WWC1: variants seen among roughly 807,000 people sequenced by gnomAD.
WWC1 encodes protein KIBRA.
WWC1 carries 55 observed loss-of-function variants against 138.4 expected under a neutral mutation model. That is an observed-to-expected ratio of 0.40 (90% CI 0.32 to 0.50). WWC1 has a LOEUF of 0.50. Ranked by LOEUF, WWC1 falls within the 20% of genes least tolerant of loss-of-function variation. WWC1 has a pLI of 0.72. For synonymous variants in WWC1, 524 were observed against 564.9 expected, an observed-to-expected ratio of 0.93 and a Z score of 1.03; for missense variants, 1,226 against 1,420.4, an observed-to-expected ratio of 0.86 and a Z score of 2.20.
rs372188276 is a variant in WWC1, at chr5:168,423,931, G to C, written c.1673G>C (p.Gly558Ala). The change falls in exon 11 of 23, where the codon GGT (glycine) becomes GCT (alanine). Residue 558 changes from glycine to alanine, a missense_variant. Gly to Ala is a moderately conservative substitution (Grantham distance 60). Transcript: ENST00000265293. ...CTCATGGCTGACCCCCTCCTGGCTGGTGATGCCTTCCTCAACTCCTTGGAG... is the reference window on the plus strand; with the variant it reads ...CTCATGGCTGACCCCCTCCTGGCTGCTGATGCCTTCCTCAACTCCTTGGAG... ...SPLMADPLLA[G>A]DAFLNSLEFE... The C allele has an allele frequency of 6.2e-7, 1 of 1,614,102 alleles. No individual in the cohort carries two copies. The highest frequency in any genetic ancestry group is 1.3e-5 in the African/African-American group (1 of 74,994).
At chr5:168,428,197 A>G (rs1781661813) in intron 12 of WWC1, 56 bp downstream of exon 12, 1 of 1,546,166 alleles carries the variant, frequency 6.5e-7, no homozygotes, top group South Asian at 1.2e-5. Context: ...AACTCTGAAT[A>G]TCCAGAGCCT....
rs941124944 is a variant in WWC1, at chr5:168,470,651, A to G, written c.*1634A>G. The G allele has an allele frequency of 1.3e-5, 2 of 152,084 alleles. No individual in the cohort carries two copies. Among genetic ancestry groups the G allele is most frequent in the East Asian group, 1.9e-4 (1 of 5,164 alleles). 9.4% of individuals were successfully genotyped at this position (152,084 alleles called of 1,614,324 possible). ...GGGGTTCGAGACCAGCCTGATCAAC[A>G]TGGAGAAACCTGGTCTCTACTAAAA... On this transcript the variant is annotated 3_prime_UTR_variant, in exon 23 of 23. Coordinates refer to ENST00000265293, the MANE Select transcript of WWC1 (RefSeq NM_015238.3).
intron 1 of WWC1, among the ~76,000 whole-genome samples, chr5:168,323,016 C>A (rs908086534): frequency 9.2e-5 from 14 of 152,068 alleles, no homozygotes; most frequent in African/African-American, 2.9e-4. Context: ...GAAAGTCAGT[C>A]AATAGAAACA....
chr5:168,358,829 T>G (rs1334589268), intron 1 of WWC1, among the ~76,000 whole-genome samples: 1 of 152,046 alleles, frequency 6.6e-6, no homozygotes, highest in South Asian at 2.1e-4. Flanking sequence ...TACGTACACA[T>G]GTAGGAACTC....
At position 168,296,339 on chromosome 5, in the gene WWC1, C is replaced by T. The variant is rs150456345; in HGVS notation, c.119+4068C>T. Among the ~76,000 whole-genome samples the T allele has an allele frequency of 5.1e-3, 783 of 152,302 alleles. 6 individuals are homozygous for T. Among genetic ancestry groups the T allele is most frequent in the Non-Finnish European group, 7.6e-3 (514 of 68,022 alleles). The stretch of plus-strand genomic sequence containing the variant: ...AGGCCATGCTGAGAGGATCCAGCAA[C>T]TTCTCCCATGACTTGAGGATCTTTT... On this transcript the variant is annotated intron_variant, in intron 1 of 22. Transcript: ENST00000265293.
intron 1 of WWC1, among the ~76,000 whole-genome samples, chr5:168,363,043 T>C (rs1775996353): frequency 6.6e-6 from 1 of 152,062 alleles, no homozygotes; most frequent in Non-Finnish European, 1.5e-5. Flanking sequence ...CAAGGAGATC[T>C]AAGGGTGGAA....
At chr5:168,425,473 G>T (rs1781431017) in intron 11 of WWC1, among the ~76,000 whole-genome samples, 1 of 150,894 alleles carries the variant, frequency 6.6e-6, no homozygotes, top group African/African-American at 2.4e-5. Flanking sequence ...CCTCTGGGAA[G>T]TGGGTGCTAT....
At chr5:168,465,107 C>G in intron 21 of WWC1, 145 bp downstream of exon 21, 1 of 1,282,812 alleles carries the variant, frequency 7.8e-7, no homozygotes, top group Non-Finnish European at 1.0e-6. Flanking sequence ...ACCCATCCCT[C>G]GTTCCCATCA....
At chr5:168,409,869 T>G in intron 7 of WWC1, 53 bp from the exon 8 acceptor site, 1 of 1,599,336 alleles carries the variant, frequency 6.3e-7, no homozygotes, top group Admixed American at 1.7e-5. Flanking sequence ...GAAACCCAAC[T>G]CAGCACCGGC....
intron 1 of WWC1, among the ~76,000 whole-genome samples, chr5:168,363,900 T>G (rs1406830591): frequency 6.6e-6 from 1 of 152,132 alleles, no homozygotes; most frequent in Non-Finnish European, 1.5e-5. Context: ...ACCACCACCG[T>G]GTATCTCTTA....
chr5:168,416,475 C>T (rs1165206764), intron 9 of WWC1: 3 of 152,156 alleles, frequency 2.0e-5, no homozygotes, highest in Non-Finnish European at 2.9e-5. Flanking sequence ...CTTTAGTGTT[C>T]GTTGAAAGAA....
chr5:168,417,678 A>G (rs1454015424), intron 9 of WWC1, among the ~76,000 whole-genome samples: 1 of 152,210 alleles, frequency 6.6e-6, no homozygotes, highest in Non-Finnish European at 1.5e-5. Flanking sequence ...GTGAGTTCAC[A>G]TAGCTAGTAC....
intron 5 of WWC1, among the ~76,000 whole-genome samples, chr5:168,405,062 T>C (rs10041542): frequency 0.27 from 41,721 of 151,896 alleles, 6,114 homozygotes; most frequent in African/African-American, 0.37. Context: ...CTTGACAACT[T>C]CATGAGTATG....
intron 3 of WWC1, among the ~76,000 whole-genome samples, chr5:168,389,665 ACC>A (rs1778339977): frequency 6.9e-6 from 1 of 145,488 alleles, no homozygotes; most frequent in African/African-American, 2.6e-5. Flanking sequence ...TGAATCTATG[ACC>A]TGAGATTAAG....
intron 1 of WWC1, among the ~76,000 whole-genome samples, chr5:168,298,955 C>T (rs867649320): frequency 1.3e-5 from 2 of 152,070 alleles, no homozygotes; most frequent in Admixed American, 6.5e-5. Flanking sequence ...TGTGGTGGCA[C>T]GCACCTGTAA....
intron 1 of WWC1, among the ~76,000 whole-genome samples, chr5:168,294,592 ATTGGTTTTTTTGTTTGCTT>A (rs1769358666): frequency 6.6e-6 from 1 of 151,816 alleles, no homozygotes; most frequent in African/African-American, 2.4e-5. Context: ...ATCTTGTGTC[ATTGGTTTTTTTGTTTGCTT>A]TTGGTTTTTT....
intron 1 of WWC1, among the ~76,000 whole-genome samples, chr5:168,308,375 C>T (rs990479772): frequency 2.6e-5 from 4 of 152,212 alleles, no homozygotes; most frequent in Non-Finnish European, 4.4e-5. Context: ...TTGTCACTGG[C>T]TCCAAAGGTC....
chr5:168,455,574 C>T (rs1756245642), intron 19 of WWC1, 54 bp downstream of exon 19: 3 of 1,586,906 alleles, frequency 1.9e-6, no homozygotes, highest in South Asian at 2.3e-5. Context: ...GAGAGCTTCA[C>T]ACAGGGCTGG....
chr5:168,389,450 CAA>C (rs71310058), intron 3 of WWC1, among the ~76,000 whole-genome samples: 16 of 94,998 alleles, frequency 1.7e-4, no homozygotes, highest in East Asian at 3.4e-4. Flanking sequence ...GACTCCATCT[CAA>C]AAAAAAAAAA....
Sources: gnomAD v4.1 joint callset for allele counts (sites outside exome capture counted in the v4.1 genomes callset) on GRCh38, gnomAD v4.1.1 for gene constraint, MANE v1.5 for transcripts, NCBI Gene and HGNC (gene_info 2026-07-23, HGNC 2026-07-21) for gene names.